The following GBE1 variants were observed in gnomAD, a reference collection of about 807,000 sequenced individuals.
The protein encoded by GBE1 is 1,4-alpha-glucan branching enzyme 1, also known as 1,4-alpha-glucan-branching enzyme.
In GBE1, 70 loss-of-function variants were observed where a neutral mutation model predicts 88.8. That is an observed-to-expected ratio of 0.79 (90% CI 0.65 to 0.96). The LOEUF is 0.96. Ranked by LOEUF, GBE1 falls within the 40% of genes least tolerant of loss-of-function variation. The pLI, the probability that GBE1 is intolerant of heterozygous loss-of-function variation, is 0.00. For synonymous variants in GBE1, 284 were observed against 300.1 expected, an observed-to-expected ratio of 0.95 and a Z score of 0.56; for missense variants, 872 against 871.0, an observed-to-expected ratio of 1.00 and a Z score of -0.01.
intron 15 of GBE1, among the ~76,000 whole-genome samples, chr3:81,496,017 T>C (rs1161057074): frequency 6.6e-6 from 1 of 152,214 alleles, no homozygotes; most frequent in Admixed American, 6.5e-5. Flanking sequence ...CTCTTATCTC[T>C]CATTTGTGCT....
chr3:81,555,884 G>T (rs1265426923), intron 12 of GBE1, among the ~76,000 whole-genome samples: 1 of 152,036 alleles, frequency 6.6e-6, no homozygotes, highest in Non-Finnish European at 1.5e-5. Context: ...TCCCTTTATG[G>T]CTCCTTGTCT....
chr3:81,491,511 C>A (rs778742035), intron 15 of GBE1, among the ~76,000 whole-genome samples: 1 of 152,116 alleles, frequency 6.6e-6, no homozygotes, highest in African/African-American at 2.4e-5. Context: ...TCTAATATAT[C>A]TGAATTTTTT....
intron 9 of GBE1, among the ~76,000 whole-genome samples, chr3:81,589,578 G>C (rs951729579): frequency 1.3e-5 from 2 of 151,220 alleles, no homozygotes; most frequent in South Asian, 2.1e-4. Flanking sequence ...TTCATTGGTA[G>C]AAACACTGAT....
At chr3:81,520,953 T>C (rs896805239) in intron 14 of GBE1, among the ~76,000 whole-genome samples, 2 of 151,700 alleles carry the variant, frequency 1.3e-5, no homozygotes, top group South Asian at 2.1e-4. Flanking sequence ...CAAAGCTTTA[T>C]TGATACAAAT....
At chr3:81,737,522 C>T (rs1398978167) in intron 1 of GBE1, among the ~76,000 whole-genome samples, 4 of 149,432 alleles carry the variant, frequency 2.7e-5, no homozygotes, top group African/African-American at 7.4e-5. Context: ...ACTGCTGAGT[C>T]GCCAACTGTT....
intron 1 of GBE1, among the ~76,000 whole-genome samples, chr3:81,723,430 G>C (rs371529107): frequency 6.6e-6 from 1 of 151,694 alleles, no homozygotes; most frequent in African/African-American, 2.4e-5. Context: ...AAAGAAGTCT[G>C]CAATATCAAA....
intron 1 of GBE1, among the ~76,000 whole-genome samples, chr3:81,757,249 G>A (rs556964927): frequency 1.9e-4 from 29 of 152,250 alleles, no homozygotes; most frequent in African/African-American, 5.1e-4. Flanking sequence ...AGATGGTACC[G>A]AGAGGGAGGC....
chr3:81,617,319 G>A (rs1704261764), intron 7 of GBE1, among the ~76,000 whole-genome samples: 2 of 151,862 alleles, frequency 1.3e-5, no homozygotes, highest in South Asian at 4.1e-4. Flanking sequence ...CCCAAAGTTA[G>A]AAAGAAAGAA....
chr3:81,740,206 C>A (rs1264705225), intron 1 of GBE1, among the ~76,000 whole-genome samples: 1 of 152,140 alleles, frequency 6.6e-6, no homozygotes, highest in African/African-American at 2.4e-5. Flanking sequence ...GCCTGGGCAA[C>A]AGAATGAAAC....
chr3:81,568,790 A>G (rs1418267470), intron 12 of GBE1, among the ~76,000 whole-genome samples: 1 of 152,158 alleles, frequency 6.6e-6, no homozygotes, highest in African/African-American at 2.4e-5. Context: ...GTGTGTATAT[A>G]TATATATGTG....
chr3:81,671,990 G>A (rs576570156), intron 2 of GBE1, among the ~76,000 whole-genome samples: 35 of 151,978 alleles, frequency 2.3e-4, no homozygotes, highest in Non-Finnish European at 4.6e-4. Flanking sequence ...GAGAAAAATT[G>A]ATAAAAAATA....
At chr3:81,658,915 T>C (rs927685401) in intron 3 of GBE1, among the ~76,000 whole-genome samples, 3 of 152,216 alleles carry the variant, frequency 2.0e-5, no homozygotes, top group African/African-American at 7.2e-5. Flanking sequence ...GTTGTAATCA[T>C]GTAAAGATTG....
At chr3:81,520,678 C>T (rs1702860701) in intron 14 of GBE1, among the ~76,000 whole-genome samples, 1 of 151,460 alleles carries the variant, frequency 6.6e-6, no homozygotes, top group Non-Finnish European at 1.5e-5. Context: ...TGTATTTTAT[C>T]TTTCTAAGCA....
intron 7 of GBE1, among the ~76,000 whole-genome samples, chr3:81,598,868 T>G (rs1703993993): frequency 6.6e-6 from 1 of 151,778 alleles, no homozygotes; most frequent in Non-Finnish European, 1.5e-5. Flanking sequence ...GGTTTTGAAG[T>G]TTTCTTTTCA....
At chr3:81,728,155 G>A (rs1447058005) in intron 1 of GBE1, among the ~76,000 whole-genome samples, 1 of 151,852 alleles carries the variant, frequency 6.6e-6, no homozygotes, top group Non-Finnish European at 1.5e-5. Flanking sequence ...TAAAAAAAAC[G>A]ATGTCAAACT....
intron 15 of GBE1, 106 bp from the exon 16 acceptor site, chr3:81,490,569 AC>A (rs1053734036): frequency 1.1e-6 from 1 of 891,508 alleles, no homozygotes; most frequent in African/African-American, 1.7e-5. Context: ...GCCTAAAGTT[AC>A]AGTTACCTTT....
chr3:81,646,686 T>C (rs1382529150), intron 5 of GBE1, among the ~76,000 whole-genome samples: 1 of 152,206 alleles, frequency 6.6e-6, no homozygotes, highest in Non-Finnish European at 1.5e-5. Flanking sequence ...GTATTCTGAC[T>C]AGCTATTTGA....
Position 81,679,384 on chromosome 3 carries a change from C to T in GBE1, c.314-8431G>A, listed in dbSNP as rs187301076. 2.4e-3 allele frequency among the ~76,000 whole-genome samples: 366 copies of T among 152,302 alleles called. 5 individuals carry two copies. The highest frequency in any genetic ancestry group is 8.4e-3 in the African/African-American group (351 of 41,566). On this transcript the variant is annotated intron_variant, in intron 2 of 15. Transcript: ENST00000429644. ...ATTCAACCACCCATAACCTCATCAACTCTGGGAATTATCATCTTAATAACA... is the reference window on the plus strand; with the variant it reads ...ATTCAACCACCCATAACCTCATCAATTCTGGGAATTATCATCTTAATAACA...
At chr3:81,727,878 T>C (rs534138679) in intron 1 of GBE1, among the ~76,000 whole-genome samples, 43 of 152,180 alleles carry the variant, frequency 2.8e-4, no homozygotes, top group Non-Finnish European at 4.9e-4. Flanking sequence ...TAACAGATTC[T>C]TAAATGTAGC....
Sources: allele counts gnomAD v4.1 joint callset (sites outside exome capture counted in the v4.1 genomes callset), GRCh38; gene constraint gnomAD v4.1.1; transcripts MANE v1.5; gene names NCBI Gene and HGNC (gene_info 2026-07-23, HGNC 2026-07-21).